The following CGNL1 variants were observed in gnomAD, a reference collection of about 807,000 sequenced individuals.
The protein encoded by CGNL1 is cingulin like 1, also known as cingulin-like protein 1.
Under a neutral mutation model 141.2 loss-of-function variants are expected in CGNL1, and 132 were observed. The observed-to-expected ratio is 0.93, with a 90% CI of 0.81 to 1.08. The LOEUF (loss-of-function observed/expected upper bound fraction) is 1.08, where lower values mean the gene tolerates loss of function less well. Ranked by LOEUF, CGNL1 falls within the 50% of genes least tolerant of loss-of-function variation. CGNL1 has a pLI of 0.00. For missense variants in CGNL1, 1,870 were observed against 1,588.6 expected (o/e 1.18, Z -3.01); for synonymous variants, 690 against 622.1 (o/e 1.11, Z -1.63).
chr15:57,516,361 G>T (rs2140096192), intron 8 of CGNL1, among the ~76,000 whole-genome samples: 1 of 152,180 alleles, frequency 6.6e-6, no homozygotes, highest in Non-Finnish European at 1.5e-5. Flanking sequence ...ATGGCGATAA[G>T]AATAGCACCC....
At chr15:57,511,086 G>GT (rs1205116856) in intron 8 of CGNL1, among the ~76,000 whole-genome samples, 1 of 152,174 alleles carries the variant, frequency 6.6e-6, no homozygotes, top group Non-Finnish European at 1.5e-5. Context: ...TTTAAAAATG[G>GT]TAATACATGT....
At chr15:57,545,123 G>A (rs1172603742) in intron 16 of CGNL1, among the ~76,000 whole-genome samples, 1 of 152,178 alleles carries the variant, frequency 6.6e-6, no homozygotes, top group Non-Finnish European at 1.5e-5. Context: ...CAGCCCGAGG[G>A]CCAGCACCAG....
At chr15:57,487,039 C>T (rs1423043738) in intron 8 of CGNL1, among the ~76,000 whole-genome samples, 1 of 152,158 alleles carries the variant, frequency 6.6e-6, no homozygotes, top group African/African-American at 2.4e-5. Flanking sequence ...CAACTATTTC[C>T]TGATGCAAAT....
intron 1 of CGNL1, chr15:57,398,532 G>C (rs756285801): frequency 3.9e-5 from 6 of 152,238 alleles, no homozygotes; most frequent in Non-Finnish European, 7.3e-5. Context: ...TGGTCCTGCA[G>C]TGCTGGGAAG....
intron 1 of CGNL1, among the ~76,000 whole-genome samples, chr15:57,411,707 AGT>A (rs1487650790): frequency 6.6e-6 from 1 of 151,456 alleles, no homozygotes; most frequent in Non-Finnish European, 1.5e-5. Context: ...AGCCTCCCAA[AGT>A]GCTGGGATTA....
intron 1 of CGNL1, among the ~76,000 whole-genome samples, chr15:57,377,668 C>A (rs2073152539): frequency 6.6e-6 from 1 of 152,166 alleles, no homozygotes; most frequent in African/African-American, 2.4e-5. Flanking sequence ...TTTGTTTCTA[C>A]CTCTCTGTTT....
chr15:57,435,982 A>G (rs1431398422), intron 1 of CGNL1, among the ~76,000 whole-genome samples: 1 of 152,244 alleles, frequency 6.6e-6, no homozygotes, highest in Non-Finnish European at 1.5e-5. Flanking sequence ...GAGATTAGCA[A>G]CATTTACAAA....
intron 7 of CGNL1, among the ~76,000 whole-genome samples, chr15:57,458,943 A>T (rs1026317424): frequency 7.9e-5 from 12 of 152,242 alleles, no homozygotes; most frequent in African/African-American, 1.4e-4. Context: ...TGTGCAATGC[A>T]GCCCCACCCT....
intron 3 of CGNL1, among the ~76,000 whole-genome samples, chr15:57,441,205 C>T (rs2063182850): frequency 6.6e-6 from 1 of 151,292 alleles, no homozygotes. Context: ...GAGCTAACAA[C>T]ATAGTAAGGC....
intron 8 of CGNL1, among the ~76,000 whole-genome samples, chr15:57,512,829 C>A (rs2152401782): frequency 6.6e-6 from 1 of 152,268 alleles, no homozygotes; most frequent in South Asian, 2.1e-4. Flanking sequence ...GGCAGATGGT[C>A]TTGAGCCTCT....
Position 57,524,703 on chromosome 15 carries a change from G to A in CGNL1, c.2991G>A (p.Thr997=), listed in dbSNP as rs138701617. 148 of 1,614,090 alleles carry A rather than the reference G, an allele frequency of 9.2e-5. No homozygotes were observed. Among genetic ancestry groups the A allele is most frequent in the South Asian group, 2.2e-5 (2 of 91,078 alleles). ...AEMQRQLKEK[T]LEAEKSRLTA... ...TGCAAAGACAGTTGAAGGAGAAAAC[G>A]CTGGAGGCAGAAAAGTCCCGACTGA... Residue 997 remains threonine (T), a synonymous_variant, in exon 12 of 19, where the codon ACG becomes ACA. Coordinates refer to ENST00000281282, the MANE Select transcript of CGNL1 (RefSeq NM_032866.5).
At chr15:57,486,319 G>T (rs1392980627) in intron 8 of CGNL1, among the ~76,000 whole-genome samples, 2 of 152,170 alleles carry the variant, frequency 1.3e-5, no homozygotes, top group African/African-American at 4.8e-5. Context: ...TCTCTTTGTG[G>T]AAATGGGAAT....
At chr15:57,512,766 T>G (rs1379054350) in intron 8 of CGNL1, among the ~76,000 whole-genome samples, 1 of 152,166 alleles carries the variant, frequency 6.6e-6, no homozygotes, top group Non-Finnish European at 1.5e-5. Flanking sequence ...TCCGGGTGAA[T>G]GAAAGGGTGC....
chr15:57,380,820 A>G (rs2062416322), intron 1 of CGNL1, among the ~76,000 whole-genome samples: 1 of 152,192 alleles, frequency 6.6e-6, no homozygotes, highest in Non-Finnish European at 1.5e-5. Context: ...GCACATTAGT[A>G]ACTGGTAAAG....
chr15:57,458,768 G>A (rs1165675930), intron 7 of CGNL1, among the ~76,000 whole-genome samples: 6 of 152,156 alleles, frequency 3.9e-5, no homozygotes, highest in Admixed American at 6.5e-5. Flanking sequence ...GCAGCAGGGC[G>A]TCCTCTTTGA....
intron 3 of CGNL1, among the ~76,000 whole-genome samples, chr15:57,441,891 G>T (rs2063191547): frequency 6.6e-6 from 1 of 152,054 alleles, no homozygotes; most frequent in Non-Finnish European, 1.5e-5. Flanking sequence ...TGGCTTAGGG[G>T]TTTTATTTTT....
intron 13 of CGNL1, chr15:57,529,039 A>C: frequency 2.2e-6 from 1 of 455,140 alleles, no homozygotes; most frequent in South Asian, 3.4e-5. Context: ...AAATTAGTCT[A>C]ACATTCTCAT....
chr15:57,508,049 A>G (rs921843401), intron 8 of CGNL1, among the ~76,000 whole-genome samples: 1 of 152,202 alleles, frequency 6.6e-6, no homozygotes, highest in Admixed American at 6.5e-5. Flanking sequence ...ATTGATCTGT[A>G]TGATTTTTGG....
At chr15:57,464,071 T>TC (rs1316456576) in intron 8 of CGNL1, among the ~76,000 whole-genome samples, 1 of 77,560 alleles carries the variant, frequency 1.3e-5, no homozygotes, top group African/African-American at 5.6e-5. Context: ...GGCACTTTTG[T>TC]CCTTTTTTTT....
Sources: gnomAD v4.1 joint callset for allele counts (sites outside exome capture counted in the v4.1 genomes callset) on GRCh38, gnomAD v4.1.1 for gene constraint, MANE v1.5 for transcripts, NCBI Gene and HGNC (gene_info 2026-07-23, HGNC 2026-07-21) for gene names.